NCKAP5: variants seen among roughly 807,000 people sequenced by gnomAD.
The protein encoded by NCKAP5 is nck-associated protein 5.
NCKAP5 carries 92 observed loss-of-function variants against 167.0 expected under a neutral mutation model. That is an observed-to-expected ratio of 0.55 (90% CI 0.47 to 0.66). NCKAP5 has a LOEUF of 0.66. NCKAP5 is among the 30% of genes least tolerant of loss of function. The probability of loss-of-function intolerance (pLI) is 0.00; values close to 1 mark genes in which losing one functional copy is unlikely to be tolerated. For synonymous variants in NCKAP5, 891 were observed against 877.4 expected, an observed-to-expected ratio of 1.02 and a Z score of -0.27; for missense variants, 2,378 against 2,315.0, an observed-to-expected ratio of 1.03 and a Z score of -0.56.
upstream of NCKAP5, among the ~76,000 whole-genome samples, chr2:133,571,091 C>T (rs1688849744): frequency 6.6e-6 from 1 of 152,112 alleles, no homozygotes; most frequent in South Asian, 2.1e-4. Context: ...TATTTCTATT[C>T]CTCTAGAGAA....
the NCKAP5 span, among the ~76,000 whole-genome samples, chr2:133,589,731 T>C: frequency 2.0e-5 from 3 of 152,182 alleles, no homozygotes; most frequent in African/African-American, 7.2e-5. Flanking sequence ...TCCAGAAATA[T>C]CTGGACCACT....
intron 6 of NCKAP5, among the ~76,000 whole-genome samples, chr2:133,051,142 G>T (rs376014190): frequency 6.6e-6 from 1 of 152,132 alleles, no homozygotes; most frequent in African/African-American, 2.4e-5. Context: ...CTGACTTGAG[G>T]CTTGGAGTAG....
chr2:133,431,735 C>T (rs1474510512), intron 3 of NCKAP5: 2 of 151,978 alleles, frequency 1.3e-5, no homozygotes, highest in African/African-American at 4.8e-5. Flanking sequence ...AGAAGCAAAT[C>T]CTTCTTCATA....
At chr2:133,527,468 T>C (rs1292293827) in intron 2 of NCKAP5, among the ~76,000 whole-genome samples, 1 of 152,098 alleles carries the variant, frequency 6.6e-6, no homozygotes, top group African/African-American at 2.4e-5. Flanking sequence ...TCATTCTTCA[T>C]GTATAGTAAT....
At chr2:133,085,528 A>C (rs965898666) in intron 6 of NCKAP5, among the ~76,000 whole-genome samples, 6 of 152,168 alleles carry the variant, frequency 3.9e-5, no homozygotes, top group Non-Finnish European at 8.8e-5. Context: ...GGGGGAAGTT[A>C]AAATGTTTTT....
At chr2:132,834,186 A>C (rs2105380853) in intron 11 of NCKAP5, among the ~76,000 whole-genome samples, 1 of 151,854 alleles carries the variant, frequency 6.6e-6, no homozygotes, top group Admixed American at 6.5e-5. Context: ...TTTTTTTCCA[A>C]TTTTGTTGCC....
chr2:133,485,507 CT>C lies in NCKAP5; in HGVS notation c.69+31950del, dbSNP rs1680831407. Among the ~76,000 whole-genome samples, 3 of 152,294 alleles carry C rather than the reference CT, an allele frequency of 2.0e-5. No homozygotes were observed. In the South Asian group the frequency reaches 6.2e-4, roughly 32 times the overall value. On this transcript the variant is annotated intron_variant, in intron 3 of 19. Coordinates refer to ENST00000409261, the MANE Select transcript of NCKAP5 (RefSeq NM_207363.3). The stretch of plus-strand genomic sequence containing the variant: ...CAAGAAAACTAATAGGGTCTCCAAA[CT>C]TTAGAGTCTAAAGAGATATGGCCCT...
intron 11 of NCKAP5, among the ~76,000 whole-genome samples, chr2:132,845,180 C>G (rs941969372): frequency 6.6e-6 from 1 of 152,088 alleles, no homozygotes; most frequent in African/African-American, 2.4e-5. Flanking sequence ...AATTCTAATT[C>G]ATGGAATTAC....
intron 16 of NCKAP5, among the ~76,000 whole-genome samples, chr2:132,748,471 A>G (rs889962892): frequency 6.6e-6 from 1 of 152,218 alleles, no homozygotes; most frequent in African/African-American, 2.4e-5. Flanking sequence ...TTATGGCAAC[A>G]CTTTTTCTAT....
intron 3 of NCKAP5, among the ~76,000 whole-genome samples, chr2:133,315,689 TC>T (rs1489529435): frequency 2.0e-5 from 3 of 150,914 alleles, no homozygotes; most frequent in African/African-American, 7.3e-5. Flanking sequence ...GAGAAGGTGT[TC>T]TAAGAAGAAA....
At chr2:133,169,124 AC>A (rs1166407779) in intron 5 of NCKAP5, among the ~76,000 whole-genome samples, 1 of 152,318 alleles carries the variant, frequency 6.6e-6, no homozygotes, top group Admixed American at 6.5e-5. Context: ...TATAAAATAA[AC>A]ATCATAAAGT....
At chr2:133,110,751 C>T (rs1190050629) in intron 6 of NCKAP5, among the ~76,000 whole-genome samples, 6 of 152,132 alleles carry the variant, frequency 3.9e-5, no homozygotes, top group African/African-American at 7.2e-5. Flanking sequence ...ACTTTGCCCC[C>T]GTATTCTCAC....
chr2:133,002,763 C>T (rs2149336808), intron 6 of NCKAP5, among the ~76,000 whole-genome samples: 1 of 152,266 alleles, frequency 6.6e-6, no homozygotes, highest in South Asian at 2.1e-4. Context: ...TTATGCTATC[C>T]ATAGGAACTA....
rs568411664 is a variant in NCKAP5, at chr2:133,201,984, C to T, written c.207+11732G>A. ...CCCAAGGTAATTTATAGATTCAATG[C>T]CATCCCCATCAGGCTACCAATGACT... is the stretch of plus-strand genomic sequence containing the variant. On this transcript the variant is annotated intron_variant, in intron 5 of 19. Coordinates refer to ENST00000409261, the MANE Select transcript of NCKAP5 (RefSeq NM_207363.3). 2.6e-5 allele frequency among the ~76,000 whole-genome samples: 4 copies of T among 152,232 alleles called. No homozygotes were observed. The South Asian group carries it at 8.3e-4, about 32-fold the overall frequency.
At chr2:133,295,494 C>T (rs567781501) in intron 4 of NCKAP5, among the ~76,000 whole-genome samples, 1 of 152,160 alleles carries the variant, frequency 6.6e-6, no homozygotes, top group South Asian at 2.1e-4. Context: ...GGAGTACCCT[C>T]ATTTTTCTTA....
At chr2:133,470,736 G>A (rs1034261758) in intron 3 of NCKAP5, among the ~76,000 whole-genome samples, 6 of 152,224 alleles carry the variant, frequency 3.9e-5, no homozygotes, top group South Asian at 2.1e-4. Flanking sequence ...TAAGCCTGTC[G>A]GAAAAGTACA....
At position 132,796,716 on chromosome 2, in the gene NCKAP5, C is replaced by A; in HGVS notation, c.821G>T (p.Arg274Leu). The change falls in exon 12 of 20, where the codon CGT (arginine) becomes CTT (leucine). Residue 274 changes from arginine (R) to leucine (L), a missense_variant. Physicochemically the swap from Arg to Leu is moderately radical, Grantham distance 102. Coordinates refer to ENST00000409261, the MANE Select transcript of NCKAP5 (RefSeq NM_207363.3). The stretch of plus-strand genomic sequence containing the variant: ...ATCTCCAGATGAAAGATCCAAGAGA[C>A]GTGAGTGAAGTTTCTAGGTAAAACC... ...SDLLLQKLHS[R>L]LLDLSSGDLL... 2 of 1,610,838 alleles carry A rather than the reference C, an allele frequency of 1.2e-6. No individual in the cohort carries two copies. The highest frequency in any genetic ancestry group is 1.1e-5 in the South Asian group (1 of 90,636).
intron 6 of NCKAP5, among the ~76,000 whole-genome samples, chr2:133,027,418 T>C (rs1281839578): frequency 3.3e-5 from 5 of 152,206 alleles, no homozygotes; most frequent in Non-Finnish European, 5.9e-5. Flanking sequence ...ATTTTCAAGA[T>C]AATAATTTCT....
chr2:133,293,438 C>T (rs1679739427), intron 4 of NCKAP5, among the ~76,000 whole-genome samples: 1 of 152,082 alleles, frequency 6.6e-6, no homozygotes, highest in Non-Finnish European at 1.5e-5. Context: ...TCCCAAGGTG[C>T]AAGGTGATAT....
Sources: gnomAD v4.1 joint callset for allele counts (sites outside exome capture counted in the v4.1 genomes callset) on GRCh38, gnomAD v4.1.1 for gene constraint, MANE v1.5 for transcripts, NCBI Gene and HGNC (gene_info 2026-07-23, HGNC 2026-07-21) for gene names.